XKR6: variants seen among roughly 807,000 people sequenced by gnomAD.
XKR6 encodes XK-related protein 6.
In XKR6, 22 loss-of-function variants were observed where a neutral mutation model predicts 56.7. The observed-to-expected ratio is 0.39, with a 90% confidence interval of 0.28 to 0.55. XKR6 has a LOEUF of 0.55. Ranked by LOEUF, XKR6 falls within the 20% of genes least tolerant of loss-of-function variation. The pLI is 0.66. For synonymous variants in XKR6, 524 were observed against 387.8 expected, an observed-to-expected ratio of 1.35 and a Z score of -4.13; for missense variants, 852 against 889.0, an observed-to-expected ratio of 0.96 and a Z score of 0.53.
intron 1 of XKR6, among the ~76,000 whole-genome samples, chr8:11,174,422 C>G (rs1802550807): frequency 6.6e-6 from 1 of 152,214 alleles, no homozygotes; most frequent in Non-Finnish European, 1.5e-5. Context: ...GAGTGTATGT[C>G]CAGCTAATGA....
chr8:10,939,594 T>C (rs1801329622), intron 1 of XKR6, among the ~76,000 whole-genome samples: 1 of 152,214 alleles, frequency 6.6e-6, no homozygotes, highest in East Asian at 1.9e-4. Context: ...AGAAACCTGA[T>C]TCTATGAGCG....
intron 1 of XKR6, among the ~76,000 whole-genome samples, chr8:11,068,056 C>A (rs1800025862): frequency 1.3e-5 from 2 of 152,228 alleles, no homozygotes; most frequent in Non-Finnish European, 2.9e-5. Flanking sequence ...CCTCCTGTCT[C>A]CAGGGCCGGC....
intron 1 of XKR6, chr8:11,136,876 G>A (rs1689650131): frequency 6.6e-6 from 1 of 152,144 alleles, no homozygotes; most frequent in African/African-American, 2.4e-5. Flanking sequence ...ACACAGTGTG[G>A]TTACAGGTTG....
chr8:11,017,799 G>A (rs1798660540), intron 1 of XKR6, among the ~76,000 whole-genome samples: 1 of 152,198 alleles, frequency 6.6e-6, no homozygotes, highest in Non-Finnish European at 1.5e-5. Flanking sequence ...GTGCCCATAG[G>A]AATAGAGGGC....
chr8:11,147,644 G>C (rs993081846), intron 1 of XKR6, among the ~76,000 whole-genome samples: 2 of 131,352 alleles, frequency 1.5e-5, no homozygotes, highest in African/African-American at 6.1e-5. Flanking sequence ...GACAGAGCGA[G>C]ACTCTGTCTC....
At chr8:11,194,412 T>C (rs1038950433) in intron 1 of XKR6, 4 of 152,236 alleles carry the variant, frequency 2.6e-5, no homozygotes, top group African/African-American at 4.8e-5. Flanking sequence ...GGATTGTCTT[T>C]AGGCAATTAG....
intron 1 of XKR6, among the ~76,000 whole-genome samples, chr8:11,190,259 G>C (rs900390042): frequency 3.3e-5 from 5 of 150,594 alleles, no homozygotes; most frequent in Non-Finnish European, 7.4e-5. Flanking sequence ...AGAAAAGAAA[G>C]GAAAGGAAAA....
chr8:11,046,126 C>T (rs138827498), intron 1 of XKR6, among the ~76,000 whole-genome samples: 2,265 of 152,228 alleles, frequency 0.015, 59 homozygotes, highest in African/African-American at 0.052. Flanking sequence ...AGGCTGGTCA[C>T]GGTGGCTCAC....
In XKR6 at chr8:11,200,933, A is replaced by T; in HGVS notation, c.407T>A (p.Leu136Gln). 1 of 1,606,012 alleles carries T rather than the reference A, an allele frequency of 6.2e-7. No homozygotes were observed. Among genetic ancestry groups the T allele is most frequent in the Non-Finnish European group, 8.5e-7 (1 of 1,178,582 alleles). ...WLDCLWIVLA[L>Q]LVFFGDVGTD... ...GCCCACGTCCCCGAAGAACACCAGCAGCGCCAGCACGATCCACAGGCAGTC... is the reference window on the plus strand; with the variant it reads ...GCCCACGTCCCCGAAGAACACCAGCTGCGCCAGCACGATCCACAGGCAGTC... Residue 136 changes from leucine (L) to glutamine (Q), a missense_variant, in exon 1 of 3, where the codon CTG becomes CAG. Leu to Gln is a moderately radical substitution (Grantham distance 113). Coordinates refer to ENST00000416569, the MANE Select transcript of XKR6 (RefSeq NM_173683.4). This position sits in a 1 kb window ranked among gnomAD's most constrained non-coding sequence, Gnocchi z 6.4.
chr8:11,064,219 A>G (rs1305116875), intron 1 of XKR6, among the ~76,000 whole-genome samples: 1 of 151,886 alleles, frequency 6.6e-6, no homozygotes, highest in Non-Finnish European at 1.5e-5. Context: ...ACACAACCCC[A>G]CTTATTTTCT....
chr8:11,078,609 AG>A (rs1483832457), intron 1 of XKR6, among the ~76,000 whole-genome samples: 1 of 152,076 alleles, frequency 6.6e-6, no homozygotes, highest in Non-Finnish European at 1.5e-5. Flanking sequence ...ACAGGACCTG[AG>A]GGTTGTGGCT....
intron 1 of XKR6, among the ~76,000 whole-genome samples, chr8:11,127,665 T>G (rs1371377908): frequency 6.6e-6 from 1 of 152,160 alleles, no homozygotes. Context: ...AGGAGGCCCC[T>G]TGTGGCTACA....
chr8:11,149,150 G>C (rs562415104), intron 1 of XKR6, among the ~76,000 whole-genome samples: 4 of 152,266 alleles, frequency 2.6e-5, no homozygotes, highest in African/African-American at 9.6e-5. Flanking sequence ...GGGAGGTACA[G>C]TCATGTGTCA....
intron 1 of XKR6, among the ~76,000 whole-genome samples, chr8:11,079,530 A>G (rs1233616204): frequency 1.3e-5 from 2 of 152,222 alleles, no homozygotes; most frequent in African/African-American, 4.8e-5. Context: ...CACTGCACCA[A>G]TTGTTAGTAG....
intron 1 of XKR6, among the ~76,000 whole-genome samples, chr8:11,180,452 C>A (rs898915221): frequency 1.3e-5 from 2 of 152,228 alleles, no homozygotes; most frequent in African/African-American, 4.8e-5. Context: ...CCAGTAGCAC[C>A]CCTCCAGCTG....
chr8:11,130,648 G>C (rs535186276), intron 1 of XKR6, among the ~76,000 whole-genome samples: 5 of 151,100 alleles, frequency 3.3e-5, no homozygotes, highest in Non-Finnish European at 4.4e-5. Flanking sequence ...CCCCACCTAA[G>C]GATGATGTAA....
At chr8:10,997,557 A>C (rs1798142329) in intron 1 of XKR6, among the ~76,000 whole-genome samples, 2 of 152,194 alleles carry the variant, frequency 1.3e-5, no homozygotes, top group South Asian at 4.2e-4. Flanking sequence ...TTCTCCTTAC[A>C]AATGAGATGA....
chr8:10,944,838 T>C (rs2129125004), intron 1 of XKR6, among the ~76,000 whole-genome samples: 2 of 152,322 alleles, frequency 1.3e-5, no homozygotes, highest in South Asian at 4.1e-4. Context: ...TTTTTAGCCC[T>C]TCTTTCCAGC....
At chr8:10,996,354 A>G (rs917749961) in intron 1 of XKR6, among the ~76,000 whole-genome samples, 3 of 152,166 alleles carry the variant, frequency 2.0e-5, no homozygotes, top group Admixed American at 6.5e-5. Flanking sequence ...GCTGCTGACA[A>G]TATCTTGTTA....
Sources: gnomAD v4.1 joint callset for allele counts (sites outside exome capture counted in the v4.1 genomes callset) on GRCh38, gnomAD v4.1.1 for gene constraint, Gnocchi (gnomAD v3.1) non-coding constraint, MANE v1.5 for transcripts, NCBI Gene and HGNC (gene_info 2026-07-23, HGNC 2026-07-21) for gene names.